Variants in ZNF345 observed in about 807,000 individuals in gnomAD.
ZNF345 encodes zinc finger protein 345, also known as zinc finger protein HZF10.
For synonymous variants in ZNF345, 166 were observed against 187.9 expected, an observed-to-expected ratio of 0.88 and a Z score of 0.95; for missense variants, 527 against 589.9, an observed-to-expected ratio of 0.89 and a Z score of 1.10.
intron 2 of ZNF345, among the ~76,000 whole-genome samples, chr19:36,853,598 T>A (rs1186099903): frequency 6.6e-6 from 1 of 152,170 alleles, no homozygotes; most frequent in Non-Finnish European, 1.5e-5. Flanking sequence ...CCTGGAATTT[T>A]TATAGGGTAG....
chr19:36,867,889 A>C (rs2072691489), intron 2 of ZNF345, among the ~76,000 whole-genome samples: 1 of 152,022 alleles, frequency 6.6e-6, no homozygotes, highest in South Asian at 2.1e-4. Flanking sequence ...GCTTTGTAGT[A>C]GTAAGTTTTA....
intron 3 of ZNF345, chr19:36,891,617 C>T: frequency 6.3e-7 from 1 of 1,594,644 alleles, no homozygotes. Flanking sequence ...AGATTTGAGC[C>T]TTTATTAAAG....
chr19:36,877,649 T>C lies in ZNF345; in HGVS notation c.819T>C (p.Leu273=). The change falls in exon 3 of 3, where the codon CTT becomes CTC. Residue 273 remains leucine (L), a synonymous_variant. Coordinates refer to ENST00000420450, the MANE Select transcript of ZNF345 (RefSeq NM_001242472.2). The stretch of plus-strand genomic sequence containing the variant: ...AGGCCTTTAGTTTTGGATCAGCCCT[T>C]ACTCGACATCAAAGAATTCATACTG... The part of the protein sequence containing the change: ...CGKAFSFGSA[L]TRHQRIHTGE... 3.1e-6 allele frequency: 5 copies of C among 1,614,140 alleles called. No homozygotes were observed. The highest frequency in any genetic ancestry group is 1.6e-4 in the Middle Eastern group (1 of 6,062).
rs764966196 is a variant in ZNF345, at chr19:36,877,392, G to C, written c.562G>C (p.Ala188Pro). 1 of 1,613,974 alleles carries C rather than the reference G, an allele frequency of 6.2e-7. No individual in the cohort carries two copies. ...ECGKSFSFESALIRHHRIHTG... is the reference protein window; with the variant it reads ...ECGKSFSFESPLIRHHRIHTG... ...TGGGAAGTCCTTTAGTTTTGAATCA[G>C]CCCTTATTCGGCATCACAGAATTCA... The change falls in exon 3 of 3, where the codon GCC becomes CCC. Residue 188 changes from alanine to proline, a missense_variant. Transcript: ENST00000420450.
intron 2 of ZNF345, among the ~76,000 whole-genome samples, chr19:36,870,185 G>A (rs570048481): frequency 5.3e-5 from 8 of 152,200 alleles, no homozygotes; most frequent in Admixed American, 3.3e-4. Flanking sequence ...TGTGGCTTGC[G>A]TCTTTTTAAC....
In ZNF345 at chr19:36,876,882, T is replaced by G. The variant is rs1006508461; in HGVS notation, c.52T>G (p.Trp18Gly). ...SIECSSFRGD[W>G]ECKNQFERKQ... is the part of the protein sequence containing the mutation. ...TGAGTGTTCAAGTTTCAGAGGTGAT[T>G]GGGAATGTAAAAACCAGTTTGAGAG... Residue 18 changes from tryptophan (W) to glycine (G), a missense_variant, in exon 3 of 3, where the codon TGG (tryptophan) becomes GGG (glycine). Physicochemically the swap from Trp to Gly is radical, Grantham distance 184. Coordinates refer to ENST00000420450, the MANE Select transcript of ZNF345 (RefSeq NM_001242472.2). The G allele has an allele frequency of 4.3e-6, 7 of 1,613,996 alleles. No homozygotes were observed. Among genetic ancestry groups the G allele is most frequent in the Non-Finnish European group, 5.9e-6 (7 of 1,179,934 alleles).
intron 2 of ZNF345, among the ~76,000 whole-genome samples, chr19:36,861,663 T>C (rs770607167): frequency 6.6e-6 from 1 of 152,080 alleles, no homozygotes; most frequent in African/African-American, 2.4e-5. Flanking sequence ...TGGGTTCAAG[T>C]GATCCTCTTG....
chr19:36,875,626 G>A (rs2072868178), intron 2 of ZNF345, among the ~76,000 whole-genome samples: 1 of 152,154 alleles, frequency 6.6e-6, no homozygotes, highest in Non-Finnish European at 1.5e-5. Flanking sequence ...GGAAATGCAG[G>A]CAGGTAGAAG....
chr19:36,857,333 G>C (rs572739714), intron 2 of ZNF345, among the ~76,000 whole-genome samples: 7 of 151,988 alleles, frequency 4.6e-5, no homozygotes, highest in Non-Finnish European at 8.8e-5. Flanking sequence ...TTGAGACGGA[G>C]TCTTGCTCTG....
chr19:36,891,643 T>C, intron 3 of ZNF345: 3 of 1,613,610 alleles, frequency 1.9e-6, no homozygotes, highest in South Asian at 1.1e-5. Context: ...CCCACATTCA[T>C]TACATTCATA....
chr19:36,874,671 G>C (rs79757203), intron 2 of ZNF345, among the ~76,000 whole-genome samples: 3,390 of 151,132 alleles, frequency 0.022, 116 homozygotes, highest in African/African-American at 0.061. Context: ...CCCAGGTACT[G>C]AGGAGGCTGA....
intron 3 of ZNF345, among the ~76,000 whole-genome samples, chr19:36,887,490 C>A (rs2073009124): frequency 6.6e-6 from 1 of 152,096 alleles, no homozygotes; most frequent in Non-Finnish European, 1.5e-5. Context: ...TATAATTATT[C>A]TGTAAATCTA....
At chr19:36,873,685 TG>T (rs1333477335) in intron 2 of ZNF345, among the ~76,000 whole-genome samples, 1 of 141,406 alleles carries the variant, frequency 7.1e-6, no homozygotes, top group African/African-American at 3.0e-5. Context: ...ATGCTATTTC[TG>T]TACTTTTTTT....
intron 3 of ZNF345, chr19:36,892,489 G>A: frequency 6.5e-7 from 1 of 1,538,238 alleles, no homozygotes; most frequent in South Asian, 1.2e-5. Flanking sequence ...AAAATACAAA[G>A]GCAAATAAAT....
chr19:36,850,875 C>G (rs1287628396), upstream of ZNF345: 1 of 152,400 alleles, frequency 6.6e-6, no homozygotes, highest in Non-Finnish European at 1.5e-5. Flanking sequence ...GATCTTCCCG[C>G]GGATTTGGGC....
chr19:36,886,596 A>G (rs1440332766), intron 3 of ZNF345, among the ~76,000 whole-genome samples: 1 of 152,228 alleles, frequency 6.6e-6, no homozygotes, highest in East Asian at 1.9e-4. Context: ...CTATAATCCC[A>G]GCACTTTGGG....
In ZNF345 at chr19:36,885,487, GA is replaced by G. The variant is rs372819033; in HGVS notation, c.47-7329del. On this transcript the variant is annotated intron_variant, in intron 3 of 3. Transcript: ENST00000526123. ...CACTCTCTTAAAGGTATGGGTTGAT[GA>G]ATTGGAGTTTTTAATTTTAATGAAC... 4.6e-3 allele frequency among the ~76,000 whole-genome samples: 694 copies of G among 152,000 alleles called. 8 individuals are homozygous for G. The highest frequency in any genetic ancestry group is 0.016 in the African/African-American group (647 of 41,452).
chr19:36,862,372 G>A (rs904737103), intron 2 of ZNF345, among the ~76,000 whole-genome samples: 1 of 151,658 alleles, frequency 6.6e-6, no homozygotes, highest in Non-Finnish European at 1.5e-5. Flanking sequence ...GCTACCAAAA[G>A]TTAAAACTAG....
rs2072776108 is a variant in ZNF345 at position 36,871,829 on chromosome 19, A to G, written c.-46-4956A>G. ...GTTGCCCAGGCTGGAGTGCAATGGT[A>G]CGATCTTGTCTTACCACAACCTCCG... On this transcript the variant is annotated intron_variant, in intron 2 of 2. Coordinates refer to ENST00000420450, the MANE Select transcript of ZNF345 (RefSeq NM_001242472.2). Among the ~76,000 whole-genome samples the G allele has an allele frequency of 2.0e-5, 3 of 151,978 alleles. No individual in the cohort carries two copies. In the South Asian group the frequency reaches 6.2e-4, roughly 32 times the overall value.
Sources: allele counts gnomAD v4.1 joint callset (sites outside exome capture counted in the v4.1 genomes callset), GRCh38; gene constraint gnomAD v4.1.1; transcripts MANE v1.5; gene names NCBI Gene and HGNC (gene_info 2026-07-23, HGNC 2026-07-21).